The following GPR137B variants were observed in gnomAD, a reference collection of about 807,000 sequenced individuals.
The protein encoded by GPR137B is G protein-coupled receptor 137B.
A neutral mutation model predicts 42.5 loss-of-function variants in GPR137B; 42 were observed. The ratio of observed to expected loss-of-function variants is 0.99; its 90% CI spans 0.77 to 1.28. The LOEUF (loss-of-function observed/expected upper bound fraction) is 1.28. GPR137B is among the 50% of genes most tolerant of loss of function. The pLI is 0.00. For synonymous variants in GPR137B, 218 were observed against 209.7 expected (o/e 1.04, Z -0.34); for missense variants, 487 against 493.9 (o/e 0.99, Z 0.13).
rs538372567 is a variant in GPR137B at position 236,205,558 on chromosome 1, G to GAGAT, written c.1091+311_1091+314dup. ...TGATAATCAACTTTTTTATTTCTTG[G>GAGAT]AGATAGGGTCTCACTCTGTTGCCCG... On this transcript the variant is annotated intron_variant, in intron 6 of 6. Coordinates refer to ENST00000366592, the MANE Select transcript of GPR137B (RefSeq NM_003272.4). Among the ~76,000 whole-genome samples, 240 of 152,208 alleles carry GAGAT rather than the reference G, an allele frequency of 1.6e-3. 1 individual carries two copies. The highest frequency in any genetic ancestry group is 5.5e-3 in the African/African-American group (230 of 41,522).
chr1:236,167,167 G>A (rs945490693), intron 1 of GPR137B, among the ~76,000 whole-genome samples: 2 of 152,208 alleles, frequency 1.3e-5, no homozygotes, highest in African/African-American at 2.4e-5. Flanking sequence ...AGTGTGCACC[G>A]TGATGTTTTG....
chr1:236,196,041 T>A (rs1663322230), intron 5 of GPR137B, among the ~76,000 whole-genome samples: 1 of 128,278 alleles, frequency 7.8e-6, no homozygotes, highest in African/African-American at 3.4e-5. Context: ...TTGACTTTGT[T>A]GTTTCTTTTA....
At chr1:236,154,083 G>T (rs796734695) in intron 1 of GPR137B, among the ~76,000 whole-genome samples, 13 of 152,236 alleles carry the variant, frequency 8.5e-5, no homozygotes, top group African/African-American at 2.9e-4. Flanking sequence ...TGACATAGCA[G>T]GTGTATTCTC....
Position 236,178,551 on chromosome 1 carries a change from T to A in GPR137B, c.602T>A (p.Leu201His). ...VSVRVAINDT[L>H]FVLCAVSLSI... ...GTGCGAGTGGCCATTAATGACACGC[T>A]CTTCGTGCTGTGTGCCGTCTCTCTC... Residue 201 changes from leucine to histidine, a missense_variant, in exon 3 of 7, where the codon CTC (leucine) becomes CAC (histidine). Physicochemically the swap from Leu to His is moderately conservative, Grantham distance 99. Coordinates refer to ENST00000366592, the MANE Select transcript of GPR137B (RefSeq NM_003272.4). 1 of 1,613,290 alleles carries A rather than the reference T, an allele frequency of 6.2e-7. No homozygotes were observed. Among genetic ancestry groups the A allele is most frequent in the South Asian group, 1.1e-5 (1 of 91,042 alleles).
intron 1 of GPR137B, among the ~76,000 whole-genome samples, chr1:236,163,003 C>T (rs1251169824): frequency 6.6e-6 from 1 of 152,194 alleles, no homozygotes; most frequent in Admixed American, 6.5e-5. Context: ...CCTGGAAAAG[C>T]CACAGACACT....
rs765503669 is a variant in GPR137B, at chr1:236,150,199, CTG to C, written c.414+7173_414+7174del. Among the ~76,000 whole-genome samples, 7 of 136,132 alleles carry C rather than the reference CTG, an allele frequency of 5.1e-5. No individual in the cohort carries two copies. The highest frequency in any genetic ancestry group is 4.4e-4 in the East Asian group (2 of 4,552). The allele number at this position is 136,132 out of a possible 152,430, so 89.3% of individuals were successfully genotyped here. A position where few individuals can be genotyped will look rare whatever the true frequency, so the allele number is the denominator to read the frequency against. Reference sequence around the variant, plus strand: ...TTTGTGTTTGTGTGTGTCTGTGTGCCTGTGTGTGTGTCTGTGCCTGTGTGTGC... The same window carrying C: ...TTTGTGTTTGTGTGTGTCTGTGTGCCTGTGTGTGTCTGTGCCTGTGTGTGC... On this transcript the variant is annotated intron_variant, in intron 1 of 6. Coordinates refer to ENST00000366592, the MANE Select transcript of GPR137B (RefSeq NM_003272.4). The surrounding 1 kb of genome is among the most constrained non-coding windows in gnomAD (Gnocchi z 6.2).
chr1:236,148,043 C>T (rs1327935792), intron 1 of GPR137B, among the ~76,000 whole-genome samples: 5 of 152,320 alleles, frequency 3.3e-5, no homozygotes, highest in East Asian at 3.9e-4. Context: ...CTTCTGCTCC[C>T]GGCTGCATGA....
chr1:236,146,217 T>A (rs1476399), intron 1 of GPR137B, among the ~76,000 whole-genome samples: 106,716 of 152,078 alleles, frequency 0.7, 38,046 homozygotes, highest in African/African-American at 0.84. Context: ...CGTGTTCTCC[T>A]GGAGCGCAAA....
intron 2 of GPR137B, among the ~76,000 whole-genome samples, chr1:236,170,792 A>C (rs1298047178): frequency 7.2e-5 from 11 of 152,074 alleles, no homozygotes. Flanking sequence ...TCTGGCCAAC[A>C]TGGTGAAACC....
At chr1:236,190,160 T>C (rs2102918839) in intron 5 of GPR137B, among the ~76,000 whole-genome samples, 1 of 150,652 alleles carries the variant, frequency 6.6e-6, no homozygotes, top group African/African-American at 2.4e-5. Context: ...TTTTTTTTTT[T>C]TTTTTTTGCT....
intron 2 of GPR137B, among the ~76,000 whole-genome samples, chr1:236,175,654 C>A (rs1465670472): frequency 2.0e-5 from 3 of 152,112 alleles, no homozygotes; most frequent in Non-Finnish European, 2.9e-5. Context: ...TGGCCCATAC[C>A]CCCCTCCCCT....
rs1663720334 is a variant in GPR137B, at chr1:236,208,168, A to G, written c.*10A>G. The G allele has an allele frequency of 2.5e-6, 4 of 1,613,630 alleles. No homozygotes were observed. In the East Asian group the frequency reaches 8.9e-5, roughly 36 times the overall value. On this transcript the variant is annotated 3_prime_UTR_variant, in exon 7 of 7. Coordinates refer to ENST00000366592, the MANE Select transcript of GPR137B (RefSeq NM_003272.4). ...ACCAAGCCTTGGGTAGCATCAGTTA[A>G]CAGTTTTATGGACGATTCCTCAGAT...
chr1:236,190,148 C>CTTCGTTTTTTTTTTT (rs61093509), intron 5 of GPR137B, among the ~76,000 whole-genome samples: 2 of 119,402 alleles, frequency 1.7e-5, no homozygotes, highest in Non-Finnish European at 1.8e-5. Context: ...CCTGCTTCTT[C>CTTCGTTTTTTTTTTT]TTTTTTTTTT....
chr1:236,153,466 A>C (rs1661930607), intron 1 of GPR137B, among the ~76,000 whole-genome samples: 1 of 152,222 alleles, frequency 6.6e-6, no homozygotes, highest in Non-Finnish European at 1.5e-5. Flanking sequence ...TTCCTTTATA[A>C]GGTTAAATAA....
chr1:236,205,008 A>G (rs960306334), intron 5 of GPR137B, 118 bp from the exon 6 acceptor site: 25 of 816,034 alleles, frequency 3.1e-5, no homozygotes, highest in Non-Finnish European at 5.0e-5. Flanking sequence ...CTGAACAGAT[A>G]TAGCCTACAT....
chr1:236,163,770 CTTCT>C (rs1325307997), intron 1 of GPR137B, among the ~76,000 whole-genome samples: 1 of 152,174 alleles, frequency 6.6e-6, no homozygotes, highest in Non-Finnish European at 1.5e-5. Flanking sequence ...TCCAATTAAA[CTTCT>C]TTTTCTTCCC....
rs984472558 is a variant in GPR137B at position 236,146,661 on chromosome 1, G to A, written c.414+3625G>A. On this transcript the variant is annotated intron_variant, in intron 1 of 6. Coordinates refer to ENST00000366592, the MANE Select transcript of GPR137B (RefSeq NM_003272.4). ...ACACGATGCTGCAGTACGCAGCCCC[G>A]GCTGCCCTTGGGTACACATCTGAGG... 3.9e-5 allele frequency among the ~76,000 whole-genome samples: 6 copies of A among 152,184 alleles called. No individual in the cohort carries two copies. The South Asian group carries it at 8.3e-4, about 21-fold the overall frequency.
At chr1:236,158,213 C>T (rs1662088643) in intron 1 of GPR137B, among the ~76,000 whole-genome samples, 1 of 152,160 alleles carries the variant, frequency 6.6e-6, no homozygotes. Flanking sequence ...CACCTGAGGT[C>T]AGGAGTTCAA....
chr1:236,157,502 G>A (rs1418509333), intron 1 of GPR137B, among the ~76,000 whole-genome samples: 10 of 152,230 alleles, frequency 6.6e-5, no homozygotes, highest in East Asian at 1.9e-4. Context: ...GATTACAGGC[G>A]TGAGCCACTG....
Sources: gnomAD v4.1 joint callset for allele counts (sites outside exome capture counted in the v4.1 genomes callset) on GRCh38, gnomAD v4.1.1 for gene constraint, Gnocchi (gnomAD v3.1) non-coding constraint, MANE v1.5 for transcripts, NCBI Gene and HGNC (gene_info 2026-07-23, HGNC 2026-07-21) for gene names.